CADM2: variants seen among roughly 807,000 people sequenced by gnomAD.
The protein encoded by CADM2 is immunoglobulin superfamily member 4D.
CADM2 carries 12 observed loss-of-function variants against 49.8 expected under a neutral mutation model. That is an observed-to-expected ratio of 0.24 (90% CI 0.15 to 0.39). CADM2 has a LOEUF of 0.39. Among genes scored for constraint, CADM2 ranks in the 10% least tolerant of loss-of-function variants. The pLI is 1.00. For missense variants in CADM2, 378 were observed against 492.3 expected (o/e 0.77, Z 2.20); for synonymous variants, 214 against 175.4 (o/e 1.22, Z -1.74).
intron 1 of CADM2, among the ~76,000 whole-genome samples, chr3:84,975,140 A>G (rs2031732831): frequency 6.6e-6 from 1 of 151,864 alleles, no homozygotes; most frequent in African/African-American, 2.4e-5. Context: ...AATCTTTTCA[A>G]GTTTCAAGAT....
At position 85,517,166 on chromosome 3, in the gene CADM2, A is replaced by G. The variant is rs911143768; in HGVS notation, c.62-209356A>G. ...TTAGCTCAAGAAAAATAAAATTATT[A>G]TTGTGTGATGGTTAGATCTTTTAAA... On this transcript the variant is annotated intron_variant, in intron 1 of 9. Coordinates refer to ENST00000383699, the MANE Select transcript of CADM2 (RefSeq NM_001167675.2). Among the ~76,000 whole-genome samples the G allele has an allele frequency of 3.3e-5, 5 of 152,016 alleles. No homozygotes were observed. The South Asian group carries it at 8.3e-4, about 25-fold the overall frequency.
chr3:86,036,377 T>C (rs1735162411), intron 8 of CADM2, among the ~76,000 whole-genome samples: 1 of 152,146 alleles, frequency 6.6e-6, no homozygotes, highest in South Asian at 2.1e-4. Flanking sequence ...TTCTTCTGAG[T>C]TGTGTCCTAG....
intron 1 of CADM2, among the ~76,000 whole-genome samples, chr3:85,291,246 TA>T (rs2043786804): frequency 6.6e-6 from 1 of 151,658 alleles, no homozygotes; most frequent in Non-Finnish European, 1.5e-5. Flanking sequence ...GAAAAAAGAA[TA>T]AAAAGAAATG....
intron 2 of CADM2, among the ~76,000 whole-genome samples, chr3:85,740,292 T>C (rs1466698533): frequency 6.6e-6 from 1 of 152,188 alleles, no homozygotes; most frequent in Non-Finnish European, 1.5e-5. Context: ...TTGTATGCCC[T>C]ATCTGTATGC....
At chr3:84,960,815 A>C (rs2107032754) in intron 1 of CADM2, among the ~76,000 whole-genome samples, 1 of 152,274 alleles carries the variant, frequency 6.6e-6, no homozygotes, top group South Asian at 2.1e-4. Context: ...ATGGCAATGC[A>C]TAGTACAGGA....
intron 1 of CADM2, among the ~76,000 whole-genome samples, chr3:85,351,022 T>A (rs1383279340): frequency 1.3e-5 from 2 of 152,178 alleles, no homozygotes. Context: ...TCAGATATAC[T>A]GTACCAAGTT....
At chr3:85,325,824 T>A (rs2044736821) in intron 1 of CADM2, among the ~76,000 whole-genome samples, 1 of 152,176 alleles carries the variant, frequency 6.6e-6, no homozygotes, top group South Asian at 2.1e-4. Context: ...TTAACAAATA[T>A]GTATTTAGTG....
At chr3:85,921,279 T>G (rs984564568) in intron 6 of CADM2, among the ~76,000 whole-genome samples, 3 of 151,978 alleles carry the variant, frequency 2.0e-5, no homozygotes, top group African/African-American at 4.8e-5. Context: ...TTGAAATTTT[T>G]GTATTTCTAC....
At chr3:86,036,053 G>A (rs1008210268) in intron 8 of CADM2, among the ~76,000 whole-genome samples, 2 of 152,002 alleles carry the variant, frequency 1.3e-5, no homozygotes, top group Non-Finnish European at 2.9e-5. Context: ...CAACCTAATT[G>A]CCTTTTAACA....
At chr3:84,995,636 CCTAAGTACTTGCCTACAAAAGAGATTA>C (rs1302636846) in intron 1 of CADM2, among the ~76,000 whole-genome samples, 7 of 152,084 alleles carry the variant, frequency 4.6e-5, no homozygotes, top group Admixed American at 2.0e-4. Flanking sequence ...ATATGTAGTG[CCTAAGTACTTGCCTACAAAAGAGATTA>C]CTAAGTACTT....
chr3:85,052,847 T>G (rs2035938220), intron 1 of CADM2, among the ~76,000 whole-genome samples: 1 of 152,072 alleles, frequency 6.6e-6, no homozygotes, highest in African/African-American at 2.4e-5. Flanking sequence ...ATAATTACAT[T>G]TTTCAGACAT....
chr3:85,484,999 G>A (rs2039360941), intron 1 of CADM2, among the ~76,000 whole-genome samples: 1 of 151,828 alleles, frequency 6.6e-6, no homozygotes, highest in African/African-American at 2.4e-5. Flanking sequence ...TCAAAACAGT[G>A]ACACTTAAAG....
At chr3:85,360,169 T>C (rs1057068863) in intron 1 of CADM2, among the ~76,000 whole-genome samples, 9 of 152,068 alleles carry the variant, frequency 5.9e-5, no homozygotes, top group African/African-American at 1.7e-4. Flanking sequence ...TTAAGTATTA[T>C]GGTTTTTTAC....
chr3:85,692,982 C>A (rs978597800), intron 1 of CADM2, among the ~76,000 whole-genome samples: 4 of 152,072 alleles, frequency 2.6e-5, no homozygotes, highest in Admixed American at 2.6e-4. Flanking sequence ...GTAATCCCAG[C>A]GCTTTGTGAG....
chr3:85,570,237 C>T (rs1226298275), intron 1 of CADM2, among the ~76,000 whole-genome samples: 1 of 151,950 alleles, frequency 6.6e-6, no homozygotes, highest in East Asian at 1.9e-4. Context: ...ATTCATTTTT[C>T]TTGACTTTTG....
chr3:85,695,247 A>T lies in CADM2; in HGVS notation c.62-31275A>T, dbSNP rs143780694. On this transcript the variant is annotated intron_variant, in intron 1 of 9. Coordinates refer to ENST00000383699, the MANE Select transcript of CADM2 (RefSeq NM_001167675.2). Reference sequence around the variant, plus strand: ...TCCTGCTTACATGGATGAATTGTATAGTCATGAAATTCGGGCTTTTAGTGT... The same window carrying T: ...TCCTGCTTACATGGATGAATTGTATTGTCATGAAATTCGGGCTTTTAGTGT... Among the ~76,000 whole-genome samples the T allele has an allele frequency of 2.2e-3, 338 of 152,266 alleles. 1 individual carries two copies. The highest frequency in any genetic ancestry group is 7.8e-3 in the African/African-American group (324 of 41,566).
At chr3:85,502,266 A>G (rs996226601) in intron 1 of CADM2, among the ~76,000 whole-genome samples, 6 of 152,148 alleles carry the variant, frequency 3.9e-5, no homozygotes, top group Admixed American at 1.3e-4. Flanking sequence ...TTGCCACTTC[A>G]GTGAATGGAG....
chr3:85,449,834 T>C lies in CADM2; in HGVS notation c.62-276688T>C, dbSNP rs143712018. ...GAAAATGAATAAAAGCCGATGCCCATGGTCTCTCAGTGAGGTAGTAGTGAC... is the reference window on the plus strand; with the variant it reads ...GAAAATGAATAAAAGCCGATGCCCACGGTCTCTCAGTGAGGTAGTAGTGAC... On this transcript the variant is annotated intron_variant, in intron 1 of 9. Transcript: ENST00000383699. 3.4e-4 allele frequency among the ~76,000 whole-genome samples: 52 copies of C among 152,260 alleles called. No homozygotes were observed. In the East Asian group the frequency reaches 7.0e-3, roughly 20 times the overall value.
chr3:85,281,725 A>C lies in CADM2; in HGVS notation c.61+322057A>C, dbSNP rs1466561973. The stretch of plus-strand genomic sequence containing the variant: ...CTGCTAAATCTATCTTAGAAAAATC[A>C]ACAGGACTTCTCAAGATGGTTGAGT... On this transcript the variant is annotated intron_variant, in intron 1 of 9. Transcript: ENST00000383699. Among the ~76,000 whole-genome samples the C allele has an allele frequency of 2.0e-5, 3 of 152,258 alleles. No homozygotes were observed. The East Asian group carries it at 5.8e-4, about 29-fold the overall frequency.
Sources: gnomAD v4.1 joint callset for allele counts (sites outside exome capture counted in the v4.1 genomes callset) on GRCh38, gnomAD v4.1.1 for gene constraint, MANE v1.5 for transcripts, NCBI Gene and HGNC (gene_info 2026-07-23, HGNC 2026-07-21) for gene names.